Variants in SPAG16 observed in about 807,000 individuals in gnomAD.
The protein encoded by SPAG16 is sperm associated antigen 16, also known as sperm-associated antigen 16 protein.
In SPAG16, 86 loss-of-function variants were observed where a neutral mutation model predicts 80.4. The ratio of observed to expected loss-of-function variants is 1.07; its 90% confidence interval spans 0.90 to 1.28. SPAG16 has a LOEUF of 1.28. SPAG16 is among the 50% of genes most tolerant of loss of function. The probability of loss-of-function intolerance (pLI) is 0.00; values close to 1 mark genes in which losing one functional copy is unlikely to be tolerated. For synonymous variants in SPAG16, 294 were observed against 265.9 expected, an observed-to-expected ratio of 1.11 and a Z score of -1.03; for missense variants, 870 against 765.3, an observed-to-expected ratio of 1.14 and a Z score of -1.61.
intron 13 of SPAG16, among the ~76,000 whole-genome samples, chr2:214,063,706 C>T (rs1416110449): frequency 6.6e-6 from 1 of 152,190 alleles, no homozygotes; most frequent in Admixed American, 6.5e-5. Flanking sequence ...GAACTGCTTC[C>T]TCCATATATA....
At chr2:213,618,251 G>T (rs1261829159) in intron 10 of SPAG16, among the ~76,000 whole-genome samples, 3 of 151,892 alleles carry the variant, frequency 2.0e-5, no homozygotes, top group Non-Finnish European at 4.4e-5. Flanking sequence ...TTGTATTTCC[G>T]CTCAAATGGC....
At chr2:213,486,977 A>T (rs1028370681) in intron 9 of SPAG16, among the ~76,000 whole-genome samples, 2 of 152,064 alleles carry the variant, frequency 1.3e-5, no homozygotes, top group Non-Finnish European at 2.9e-5. Context: ...TCTCATCTTC[A>T]TGCAGCGTTT....
chr2:214,040,732 A>G (rs1322928830), intron 13 of SPAG16, among the ~76,000 whole-genome samples: 1 of 151,742 alleles, frequency 6.6e-6, no homozygotes, highest in African/African-American at 2.4e-5. Context: ...CATTGTTTTT[A>G]TTTCTTTATT....
At chr2:213,903,114 A>G (rs964803961) in intron 11 of SPAG16, among the ~76,000 whole-genome samples, 5 of 152,150 alleles carry the variant, frequency 3.3e-5, no homozygotes, top group Admixed American at 2.0e-4. Context: ...TTGAGTATCT[A>G]TGGTTTTTCC....
intron 12 of SPAG16, among the ~76,000 whole-genome samples, chr2:213,970,367 C>T (rs972107986): frequency 6.6e-6 from 1 of 151,626 alleles, no homozygotes; most frequent in African/African-American, 2.4e-5. Context: ...AGTGCAATGG[C>T]ACAATCTTGC....
intron 15 of SPAG16, among the ~76,000 whole-genome samples, chr2:214,377,020 A>G (rs1700171577): frequency 2.0e-5 from 3 of 152,248 alleles, no homozygotes. Flanking sequence ...GTAAAGATAC[A>G]GTTTTAAATA....
intron 9 of SPAG16, among the ~76,000 whole-genome samples, chr2:213,409,105 A>G (rs1445300933): frequency 5.2e-5 from 7 of 133,732 alleles, no homozygotes; most frequent in Non-Finnish European, 1.1e-4. Flanking sequence ...TTGTCCTGAA[A>G]TAAATTAACT....
chr2:213,857,018 T>G (rs1288977765), intron 10 of SPAG16, among the ~76,000 whole-genome samples: 3 of 152,020 alleles, frequency 2.0e-5, no homozygotes, highest in Non-Finnish European at 4.4e-5. Context: ...TCACCTAAAG[T>G]CAGGAATTAG....
At chr2:213,352,211 A>G (rs2065372704) in intron 7 of SPAG16, among the ~76,000 whole-genome samples, 1 of 151,516 alleles carries the variant, frequency 6.6e-6, no homozygotes, top group Non-Finnish European at 1.5e-5. Flanking sequence ...TTTATAAAAT[A>G]CCCAGTCTCG....
intron 12 of SPAG16, among the ~76,000 whole-genome samples, chr2:213,930,669 G>A (rs1467019486): frequency 6.6e-6 from 1 of 152,120 alleles, no homozygotes; most frequent in Admixed American, 6.6e-5. Context: ...CATATCATGT[G>A]GATTTGGAAG....
At chr2:213,606,233 T>C (rs1440262235) in intron 10 of SPAG16, among the ~76,000 whole-genome samples, 1 of 152,218 alleles carries the variant, frequency 6.6e-6, no homozygotes, top group East Asian at 1.9e-4. Context: ...TAATGTTTGC[T>C]TTTTATGAAT....
intron 12 of SPAG16, among the ~76,000 whole-genome samples, chr2:214,002,850 C>A (rs1282777459): frequency 6.6e-6 from 1 of 152,158 alleles, no homozygotes; most frequent in Non-Finnish European, 1.5e-5. Context: ...GTCTACTGAT[C>A]CAAATGTTAA....
At chr2:213,803,735 T>C (rs1460380383) in intron 10 of SPAG16, among the ~76,000 whole-genome samples, 1 of 152,210 alleles carries the variant, frequency 6.6e-6, no homozygotes. Context: ...TTTAAAAATG[T>C]ATTATGTATG....
At chr2:213,639,911 T>C (rs1484121508) in intron 10 of SPAG16, among the ~76,000 whole-genome samples, 1 of 152,224 alleles carries the variant, frequency 6.6e-6, no homozygotes, top group Non-Finnish European at 1.5e-5. Context: ...CCCAAACTTC[T>C]TGGAGAATTT....
chr2:214,196,265 C>A (rs2057835848), intron 15 of SPAG16, among the ~76,000 whole-genome samples: 1 of 152,008 alleles, frequency 6.6e-6, no homozygotes, highest in Admixed American at 6.6e-5. Context: ...ACCGTTTTCT[C>A]CCTGTGGAGC....
At chr2:213,692,019 A>C (rs1484280796) in intron 10 of SPAG16, among the ~76,000 whole-genome samples, 1 of 152,244 alleles carries the variant, frequency 6.6e-6, no homozygotes, top group Non-Finnish European at 1.5e-5. Flanking sequence ...AGATGTCAAC[A>C]AATATCTATG....
At chr2:213,722,648 T>A (rs1395156305) in intron 10 of SPAG16, among the ~76,000 whole-genome samples, 1 of 152,162 alleles carries the variant, frequency 6.6e-6, no homozygotes, top group Admixed American at 6.5e-5. Flanking sequence ...ATCAGGATTA[T>A]GATGCGGTTT....
At chr2:214,121,590 A>G (rs2054223432) in intron 14 of SPAG16, among the ~76,000 whole-genome samples, 1 of 151,840 alleles carries the variant, frequency 6.6e-6, no homozygotes, top group Admixed American at 6.6e-5. Context: ...AATGTGTTTT[A>G]AATAGTGCTT....
At chr2:213,816,259 G>C (rs2072529506) in intron 10 of SPAG16, among the ~76,000 whole-genome samples, 1 of 152,074 alleles carries the variant, frequency 6.6e-6, no homozygotes. Flanking sequence ...TTTGGTCACT[G>C]TCTTGGCTGT....
Sources: allele counts gnomAD v4.1 joint callset (sites outside exome capture counted in the v4.1 genomes callset), GRCh38; gene constraint gnomAD v4.1.1; transcripts MANE v1.5; gene names NCBI Gene and HGNC (gene_info 2026-07-23, HGNC 2026-07-21).